ZNF282: variants seen among roughly 807,000 people sequenced by gnomAD.
The protein encoded by ZNF282 is zinc finger protein 282.
A neutral mutation model predicts 61.9 loss-of-function variants in ZNF282; 30 were observed. The ratio of observed to expected loss-of-function variants is 0.48; its 90% CI spans 0.36 to 0.66. The LOEUF (loss-of-function observed/expected upper bound fraction) is 0.66, where lower values mean the gene tolerates loss of function less well. Ranked by LOEUF, ZNF282 falls within the 30% of genes least tolerant of loss-of-function variation. ZNF282 has a pLI of 0.00. For missense variants in ZNF282, 788 were observed against 941.4 expected (o/e 0.84, Z 2.13); for synonymous variants, 396 against 405.0 (o/e 0.98, Z 0.27).
chr7:149,215,572 C>T (rs1478902403), intron 7 of ZNF282, among the ~76,000 whole-genome samples: 1 of 152,142 alleles, frequency 6.6e-6, no homozygotes, highest in Non-Finnish European at 1.5e-5. Context: ...TTCTGAACAG[C>T]CATTTCAAAC....
At chr7:149,209,820 G>A (rs1434873850) in intron 4 of ZNF282, among the ~76,000 whole-genome samples, 1 of 152,270 alleles carries the variant, frequency 6.6e-6, no homozygotes, top group East Asian at 1.9e-4. Flanking sequence ...CTGTGTAGAG[G>A]CTATGTCCTT....
intron 7 of ZNF282, among the ~76,000 whole-genome samples, chr7:149,220,988 C>T (rs758900903): frequency 7.3e-5 from 11 of 150,184 alleles, no homozygotes; most frequent in African/African-American, 1.7e-4. Flanking sequence ...GGCGCGATCA[C>T]GGCTCACCGC....
rs1411239733 is a variant in ZNF282, at chr7:149,198,302, C to T, written c.166-31C>T. Reference sequence around the variant, plus strand: ...TCCCCGGCTCACACAAGGTCTCATCCTGGGTTGTCGCTTTCTCCCTCTGCA... The same window carrying T: ...TCCCCGGCTCACACAAGGTCTCATCTTGGGTTGTCGCTTTCTCCCTCTGCA... On this transcript the variant is annotated intron_variant, in intron 1 of 7. Coordinates refer to ENST00000610704, the MANE Select transcript of ZNF282 (RefSeq NM_003575.4). This position sits in a 1 kb window ranked among gnomAD's most constrained non-coding sequence, Gnocchi z 4.3. 2 of 1,570,546 alleles carry T rather than the reference C, an allele frequency of 1.3e-6. No homozygotes were observed. The highest frequency in any genetic ancestry group is 1.8e-5 in the Admixed American group (1 of 56,230).
chr7:149,205,556 T>A (rs556768049), intron 2 of ZNF282, among the ~76,000 whole-genome samples: 1 of 144,642 alleles, frequency 6.9e-6, no homozygotes, highest in African/African-American at 2.4e-5. Flanking sequence ...TAGTTCTGAT[T>A]GTAAAGATGG....
chr7:149,221,944 G>A (rs547721315), intron 7 of ZNF282, among the ~76,000 whole-genome samples: 2 of 152,014 alleles, frequency 1.3e-5, no homozygotes, highest in African/African-American at 2.4e-5. Flanking sequence ...GTGGGAGGCC[G>A]TCTCTTTCTT....
chr7:149,219,079 A>AC (rs1174140501), intron 7 of ZNF282, among the ~76,000 whole-genome samples: 4 of 152,200 alleles, frequency 2.6e-5, no homozygotes, highest in African/African-American at 9.6e-5. Flanking sequence ...ATCATTAGCC[A>AC]CGAGGTTCAG....
chr7:149,200,551 C>T (rs1012998332), intron 2 of ZNF282, among the ~76,000 whole-genome samples: 5 of 152,064 alleles, frequency 3.3e-5, no homozygotes, highest in African/African-American at 1.2e-4. Context: ...TATTTACTCT[C>T]CTCCCTCATG....
intron 1 of ZNF282, 59 bp downstream of exon 1, chr7:149,195,813 G>A (rs1448241120): frequency 7.4e-7 from 1 of 1,347,228 alleles, no homozygotes; most frequent in Non-Finnish European, 9.5e-7. Flanking sequence ...CGCGGGCTGG[G>A]CCGCGGGACC....
intron 7 of ZNF282, among the ~76,000 whole-genome samples, chr7:149,219,636 C>T (rs961791548): frequency 5.3e-5 from 8 of 152,126 alleles, no homozygotes; most frequent in African/African-American, 9.6e-5. Flanking sequence ...CATTTGAGGT[C>T]GGGAGTTCGA....
Position 149,208,037 on chromosome 7 carries a change from A to G in ZNF282, c.832+567A>G, listed in dbSNP as rs368224318. 3.5e-4 allele frequency among the ~76,000 whole-genome samples: 54 copies of G among 152,252 alleles called. 1 individual carries two copies. The highest frequency in any genetic ancestry group is 1.3e-3 in the African/African-American group (52 of 41,570). Reference sequence around the variant, plus strand: ...TGGGGTGGAAAGGGTGGAAGGCCCTAGGGTTCTAGGCCTGCCTCTGCCTTG... The same window carrying G: ...TGGGGTGGAAAGGGTGGAAGGCCCTGGGGTTCTAGGCCTGCCTCTGCCTTG... On this transcript the variant is annotated intron_variant, in intron 4 of 7. Coordinates refer to ENST00000610704, the MANE Select transcript of ZNF282 (RefSeq NM_003575.4).
At chr7:149,205,610 G>T (rs1795980985) in intron 2 of ZNF282, among the ~76,000 whole-genome samples, 1 of 152,128 alleles carries the variant, frequency 6.6e-6, no homozygotes, top group African/African-American at 2.4e-5. Context: ...TGGCACTGAG[G>T]TGTAGACATC....
intron 6 of ZNF282, among the ~76,000 whole-genome samples, chr7:149,212,831 C>T (rs1029462363): frequency 2.0e-5 from 3 of 152,206 alleles, no homozygotes; most frequent in African/African-American, 7.2e-5. Context: ...ATCTGCCCGC[C>T]TCAGCCTCCC....
intron 3 of ZNF282, 96 bp from the exon 4 acceptor site, chr7:149,207,255 G>A (rs1230210114): frequency 2.0e-6 from 3 of 1,464,382 alleles, no homozygotes; most frequent in Non-Finnish European, 2.8e-6. Flanking sequence ...CCCAGGAGGA[G>A]AGGGGGAGAT....
chr7:149,215,908 A>T (rs571830107), intron 7 of ZNF282, among the ~76,000 whole-genome samples: 1 of 151,962 alleles, frequency 6.6e-6, no homozygotes, highest in Non-Finnish European at 1.5e-5. Flanking sequence ...TTATCCCTCA[A>T]TGCTGTCTTC....
intron 1 of ZNF282, among the ~76,000 whole-genome samples, chr7:149,197,281 C>G (rs1471223093): frequency 6.6e-6 from 1 of 152,206 alleles, no homozygotes; most frequent in East Asian, 1.9e-4. Context: ...TTCTCTTGGT[C>G]CTCTTGGGTG....
rs1314565080 is a variant in ZNF282 at position 149,198,619 on chromosome 7, G to A, written c.452G>A (p.Trp151Ter). Residue 151 changes from tryptophan (W) to a stop codon, truncating the protein, a stop_gained, in exon 2 of 8, where the codon TGG becomes TAG. Transcript: ENST00000610704. LOFTEE classifies it high-confidence loss of function. This position sits in a 1 kb window ranked among gnomAD's most constrained non-coding sequence, Gnocchi z 4.3. ...VEFGNHMESK[W>*]AVLGTLLQEY... ...TTTGGGAACCACATGGAGAGCAAGT[G>A]GGCCGTGCTGGGGACCCTGCTGCAG... 1 of 1,614,178 alleles carries A rather than the reference G, an allele frequency of 6.2e-7. No individual in the cohort carries two copies.
chr7:149,220,441 C>T (rs917858058), intron 7 of ZNF282, among the ~76,000 whole-genome samples: 3 of 152,216 alleles, frequency 2.0e-5, no homozygotes, highest in African/African-American at 7.2e-5. Flanking sequence ...AAAGAAATTT[C>T]TTCTCTTACG....
In ZNF282 at chr7:149,198,253, G is replaced by T; in HGVS notation, c.166-80G>T. 4 of 1,487,952 alleles carry T rather than the reference G, an allele frequency of 2.7e-6. No individual in the cohort carries two copies. The highest frequency in any genetic ancestry group is 2.3e-5 in the East Asian group (1 of 43,906). 92.2% of individuals were successfully genotyped at this position (1,487,952 alleles called of 1,614,324 possible). ...AAAGACGACATGTAGCATCTGATTA[G>T]TTGACCCCTGTTCCCAGCTGACTTC... On this transcript the variant is annotated intron_variant, in intron 1 of 7. Coordinates refer to ENST00000610704, the MANE Select transcript of ZNF282 (RefSeq NM_003575.4). The surrounding 1 kb of genome is among the most constrained non-coding windows in gnomAD (Gnocchi z 4.3).
At position 149,195,579 on chromosome 7, in the gene ZNF282, G is replaced by A. The variant is rs772164385; in HGVS notation, c.-11G>A. Reference sequence around the variant, plus strand: ...CCCTGGCCGACCCGAGCGGGGAACAGCACTCCCAGGATGCAGTTTGTGTCA... The same window carrying A: ...CCCTGGCCGACCCGAGCGGGGAACAACACTCCCAGGATGCAGTTTGTGTCA... On this transcript the variant is annotated 5_prime_UTR_variant, in exon 1 of 8. Transcript: ENST00000610704. 6.2e-7 allele frequency: 1 copy of A among 1,608,796 alleles called. No individual in the cohort carries two copies. Among genetic ancestry groups the A allele is most frequent in the Non-Finnish European group, 8.5e-7 (1 of 1,177,996 alleles).
Sources: gnomAD v4.1 joint callset for allele counts (sites outside exome capture counted in the v4.1 genomes callset) on GRCh38, gnomAD v4.1.1 for gene constraint, Gnocchi (gnomAD v3.1) non-coding constraint, MANE v1.5 for transcripts, NCBI Gene and HGNC (gene_info 2026-07-23, HGNC 2026-07-21) for gene names.